The following P2RX7 variants were observed in gnomAD, a reference collection of about 807,000 sequenced individuals.
P2RX7 encodes purinergic receptor P2X 7.
A neutral mutation model predicts 71.6 loss-of-function variants in P2RX7; 62 were observed. The ratio of observed to expected loss-of-function variants is 0.87; its 90% CI spans 0.71 to 1.07. The LOEUF is 1.07. P2RX7 is among the 50% of genes least tolerant of loss of function. The pLI is 0.00. For synonymous variants in P2RX7, 299 were observed against 283.3 expected (o/e 1.06, Z -0.56); for missense variants, 686 against 748.5 (o/e 0.92, Z 0.97).
At chr12:121,133,561 A>C (rs923057222) in intron 1 of P2RX7, among the ~76,000 whole-genome samples, 2 of 152,356 alleles carry the variant, frequency 1.3e-5, no homozygotes, top group African/African-American at 4.8e-5. Context: ...CTTCTAAAAG[A>C]AACTTACTGA....
In P2RX7 at chr12:121,177,170, G is replaced by T; in HGVS notation, c.996G>T (p.Gln332His). ...AGGGAGGAAAATTTGACATTATCCA[G>T]CTGGTTGTGTACATCGGCTCAACCC... ...FGTGGKFDII[Q>H]LVVYIGSTLS... Residue 332 changes from glutamine to histidine, a missense_variant, in exon 10 of 13, where the codon CAG (glutamine) becomes CAT (histidine). By Grantham distance (24) the Gln-to-His change is conservative. Transcript: ENST00000328963. 6.2e-7 allele frequency: 1 copy of T among 1,614,192 alleles called. No homozygotes were observed. Among genetic ancestry groups the T allele is most frequent in the Non-Finnish European group, 8.5e-7 (1 of 1,180,028 alleles).
intron 12 of P2RX7, among the ~76,000 whole-genome samples, chr12:121,182,141 G>A (rs1220243820): frequency 2.0e-5 from 3 of 149,420 alleles, no homozygotes; most frequent in Non-Finnish European, 4.4e-5. Flanking sequence ...TAGTTGAATT[G>A]TACTGATTGA....
At position 121,154,496 on chromosome 12, in the gene P2RX7, G is replaced by A. The variant is rs181652365; in HGVS notation, c.126-289G>A. 6.6e-6 allele frequency among the ~76,000 whole-genome samples: 1 copy of A among 152,100 alleles called. No individual in the cohort carries two copies. The highest frequency in any genetic ancestry group is 1.5e-5 in the Non-Finnish European group (1 of 68,014). On this transcript the variant is annotated intron_variant, in intron 1 of 12. Coordinates refer to ENST00000328963, the MANE Select transcript of P2RX7 (RefSeq NM_002562.6). The surrounding 1 kb of genome is among the most constrained non-coding windows in gnomAD (Gnocchi z 4.2). ...GTCCTATCTATGAGGGTCCATGTTAGGGAATATTAAAGAATAGGATTGGGG... is the reference window on the plus strand; with the variant it reads ...GTCCTATCTATGAGGGTCCATGTTAAGGAATATTAAAGAATAGGATTGGGG...
intron 1 of P2RX7, among the ~76,000 whole-genome samples, chr12:121,136,023 A>AATATATATATATATAT (rs1555222078): frequency 1.1e-3 from 16 of 15,236 alleles, no homozygotes; most frequent in East Asian, 3.9e-3. Flanking sequence ...AAAAAAAAAA[A>AATATATATATATATAT]ATATATATAT....
At chr12:121,162,697 G>A (rs894142144) in intron 5 of P2RX7, among the ~76,000 whole-genome samples, 177 bp downstream of exon 5, 1 of 152,090 alleles carries the variant, frequency 6.6e-6, no homozygotes, top group African/African-American at 2.4e-5. Flanking sequence ...CTCTGGGAGG[G>A]CCATGGTGGT....
At chr12:121,181,339 G>T (rs979450919) in intron 12 of P2RX7, among the ~76,000 whole-genome samples, 3 of 152,124 alleles carry the variant, frequency 2.0e-5, no homozygotes, top group African/African-American at 7.2e-5. Context: ...CCAGTTTGGG[G>T]CTAATGCCAA....
At chr12:121,167,432 C>G (rs1466243734) in intron 7 of P2RX7, 56 bp from the exon 8 acceptor site, 1 of 1,593,598 alleles carries the variant, frequency 6.3e-7, no homozygotes, top group East Asian at 2.3e-5. Flanking sequence ...AGATGTCTGG[C>G]GGTTGCGTAA....
At chr12:121,136,473 G>A (rs917388543) in intron 1 of P2RX7, among the ~76,000 whole-genome samples, 3 of 150,684 alleles carry the variant, frequency 2.0e-5, no homozygotes, top group African/African-American at 7.4e-5. Context: ...CACACGCCAT[G>A]ATGTCTGACT....
chr12:121,156,299 A>T, intron 3 of P2RX7, 152 bp downstream of exon 3: 1 of 639,214 alleles, frequency 1.6e-6, no homozygotes, highest in Non-Finnish European at 2.8e-6. Flanking sequence ...GGCTGGGCTG[A>T]GTGGAGGAAG....
At chr12:121,155,414 G>T (rs1253902921) in intron 2 of P2RX7, 1 of 1,286,884 alleles carries the variant, frequency 7.8e-7, no homozygotes, top group Admixed American at 2.3e-5. Context: ...ATGACAAAAA[G>T]AAGAAAGGCA....
intron 1 of P2RX7, among the ~76,000 whole-genome samples, chr12:121,133,961 TG>T (rs1872965692): frequency 6.6e-6 from 1 of 152,178 alleles, no homozygotes; most frequent in Non-Finnish European, 1.5e-5. Context: ...TGGACTCAAG[TG>T]ATCTGCCTGC....
chr12:121,184,304 G>T lies in P2RX7; in HGVS notation c.1291-1G>T. 1 of 1,580,676 alleles carries T rather than the reference G, an allele frequency of 6.3e-7. No homozygotes were observed. The highest frequency in any genetic ancestry group is 8.6e-7 in the Non-Finnish European group (1 of 1,163,192). ...ATAGGTTTGGAAACTTGCTTTTTCA[G>T]AGACCTGCGATGGACTTCACAGATT... On this transcript the variant is annotated splice_acceptor_variant, in intron 12 of 12. Transcript: ENST00000328963. LOFTEE classifies it high-confidence loss of function.
At chr12:121,151,659 A>G (rs10849850) in intron 1 of P2RX7, among the ~76,000 whole-genome samples, 13,319 of 152,174 alleles carry the variant, frequency 0.088, 927 homozygotes, top group East Asian at 0.26. Flanking sequence ...ACCACTGTAA[A>G]CATGAACAAT....
At chr12:121,175,970 T>A (rs1255647547) in intron 9 of P2RX7, among the ~76,000 whole-genome samples, 1 of 152,068 alleles carries the variant, frequency 6.6e-6, no homozygotes, top group Non-Finnish European at 1.5e-5. Flanking sequence ...GGCAGCCATC[T>A]CTCTATGAAG....
At position 121,149,842 on chromosome 12, in the gene P2RX7, A is replaced by G. The variant is rs2136023131; in HGVS notation, c.126-4943A>G. ...ACCTCGGTCTAACAAGTAGCTGCGA[A>G]TATAGGTGCACACCACCACACCCCC... is the stretch of plus-strand genomic sequence containing the variant. On this transcript the variant is annotated intron_variant, in intron 1 of 12. Coordinates refer to ENST00000328963, the MANE Select transcript of P2RX7 (RefSeq NM_002562.6). This position sits in a 1 kb window ranked among gnomAD's most constrained non-coding sequence, Gnocchi z 4.7. Among the ~76,000 whole-genome samples, 1 of 152,240 alleles carries G rather than the reference A, an allele frequency of 6.6e-6. No individual in the cohort carries two copies. Among genetic ancestry groups the G allele is most frequent in the South Asian group, 2.1e-4 (1 of 4,828 alleles).
chr12:121,134,279 T>C (rs1264647432), intron 1 of P2RX7, among the ~76,000 whole-genome samples: 4 of 152,214 alleles, frequency 2.6e-5, no homozygotes, highest in Non-Finnish European at 4.4e-5. Context: ...TGGAGCTGAA[T>C]TTCACAGCAG....
intron 1 of P2RX7, among the ~76,000 whole-genome samples, chr12:121,144,409 G>A (rs1875693240): frequency 6.6e-6 from 1 of 152,212 alleles, no homozygotes. Flanking sequence ...TGTTGGCCAA[G>A]CTGGTCTTGA....
At chr12:121,155,237 T>A (rs1449196233) in intron 2 of P2RX7, 11 of 1,376,248 alleles carry the variant, frequency 8.0e-6, no homozygotes, top group Admixed American at 4.4e-5. Flanking sequence ...TACCCGCAGC[T>A]TTTTAGACGC....
At chr12:121,166,231 G>A in intron 7 of P2RX7, 44 bp downstream of exon 7, 1 of 1,592,844 alleles carries the variant, frequency 6.3e-7, no homozygotes, top group Non-Finnish European at 8.6e-7. Context: ...TGTGTGTCTA[G>A]GGATGGAGGA....
Sources: gnomAD v4.1 joint callset for allele counts (sites outside exome capture counted in the v4.1 genomes callset) on GRCh38, gnomAD v4.1.1 for gene constraint, Gnocchi (gnomAD v3.1) non-coding constraint, MANE v1.5 for transcripts, NCBI Gene and HGNC (gene_info 2026-07-23, HGNC 2026-07-21) for gene names.